Variants in ATP2B2 observed in about 807,000 individuals in gnomAD.
ATP2B2 encodes plasma membrane calcium-transporting ATPase 2.
In ATP2B2, 15 loss-of-function variants were observed where a neutral mutation model predicts 120.0. The ratio of observed to expected loss-of-function variants is 0.12; its 90% CI spans 0.08 to 0.19. The LOEUF (loss-of-function observed/expected upper bound fraction) is 0.19. Ranked by LOEUF, ATP2B2 falls within the 10% of genes least tolerant of loss-of-function variation. The pLI is 1.00. For synonymous variants in ATP2B2, 694 were observed against 700.3 expected (o/e 0.99, Z 0.14); for missense variants, 1,045 against 1,719.8 (o/e 0.61, Z 6.94).
In ATP2B2 at chr3:10,707,958, C is replaced by CTG. The variant is rs1268242722; in HGVS notation, c.-504_-503insCA. 5.3e-3 allele frequency: 802 copies of CTG among 150,308 alleles called. 9 individuals are homozygous for CTG. Among genetic ancestry groups the CTG allele is most frequent in the African/African-American group, 0.018 (743 of 41,060 alleles). 9.3% of individuals were successfully genotyped at this position (150,308 alleles called of 1,614,324 possible). A position where few individuals can be genotyped will look rare whatever the true frequency, so the allele number is the denominator to read the frequency against. ...CGAGATGCTGCCGCCGCCGCTGCCG[C>CTG]CGCCGCTGCCGCTGGTGCGCGCCCG... On this transcript the variant is annotated 5_prime_UTR_variant, in exon 1 of 22. Coordinates refer to the ATP2B2 transcript ENST00000646379.
intron 2 of ATP2B2, among the ~76,000 whole-genome samples, chr3:10,439,370 G>T (rs1387830670): frequency 6.6e-6 from 1 of 152,178 alleles, no homozygotes; most frequent in Non-Finnish European, 1.5e-5. Context: ...GCCAAAGTCA[G>T]GCTGGTCTCC....
intron 3 of ATP2B2, among the ~76,000 whole-genome samples, chr3:10,519,214 C>T (rs1043480800): frequency 2.0e-5 from 3 of 152,236 alleles, no homozygotes; most frequent in African/African-American, 7.2e-5. Context: ...CTGTGCTGAA[C>T]TTGACACACA....
intron 1 of ATP2B2, among the ~76,000 whole-genome samples, chr3:10,689,532 A>T (rs184397843): frequency 6.6e-6 from 1 of 152,028 alleles, no homozygotes; most frequent in African/African-American, 2.4e-5. Context: ...TACCAACATT[A>T]AAAAAAATAA....
chr3:10,402,355 G>C lies in ATP2B2; in HGVS notation c.398-7C>G. 1 of 1,612,746 alleles carries C rather than the reference G, an allele frequency of 6.2e-7. No individual in the cohort carries two copies. The highest frequency in any genetic ancestry group is 1.1e-5 in the South Asian group (1 of 91,086). ...CCCTGGGCCGTCGCACATCCTGAAA[G>C]ACCAGATAGAAGCAGGCAGAGTGAG... On this transcript the variant is annotated splice_region_variant and splice_polypyrimidine_tract_variant and intron_variant, in intron 3 of 22. Transcript: ENST00000360273. The surrounding 1 kb of genome is among the most constrained non-coding windows in gnomAD (Gnocchi z 4.9).
At chr3:10,448,401 T>C (rs187958879) in intron 2 of ATP2B2, among the ~76,000 whole-genome samples, 4 of 152,166 alleles carry the variant, frequency 2.6e-5, no homozygotes, top group Non-Finnish European at 4.4e-5. Flanking sequence ...CTCACACACA[T>C]GCCTGTAGGG....
chr3:10,696,118 T>C (rs1575631874), intron 1 of ATP2B2, among the ~76,000 whole-genome samples: 1 of 152,174 alleles, frequency 6.6e-6, no homozygotes. Context: ...CCTCACCCTA[T>C]GAAACACGGT....
At chr3:10,544,326 C>T (rs146156228) in intron 2 of ATP2B2, among the ~76,000 whole-genome samples, 6 of 152,360 alleles carry the variant, frequency 3.9e-5, no homozygotes, top group Non-Finnish European at 7.3e-5. Context: ...AACAACAGAA[C>T]ATCCTTATGT....
At chr3:10,682,162 AGGCATAGT>A (rs1176054445) in intron 1 of ATP2B2, among the ~76,000 whole-genome samples, 27 of 152,212 alleles carry the variant, frequency 1.8e-4, no homozygotes, top group African/African-American at 6.0e-4. Flanking sequence ...GAAACCTCGA[AGGCATAGT>A]GTTTCCATCC....
At chr3:10,560,429 T>C (rs1050721993) in intron 2 of ATP2B2, among the ~76,000 whole-genome samples, 27 of 151,974 alleles carry the variant, frequency 1.8e-4, no homozygotes, top group Non-Finnish European at 2.6e-4. Context: ...GAACATCCCC[T>C]CAGCTGGGCC....
intron 1 of ATP2B2, among the ~76,000 whole-genome samples, chr3:10,699,587 C>T (rs1292022874): frequency 6.6e-6 from 1 of 152,036 alleles, no homozygotes; most frequent in Admixed American, 6.5e-5. Flanking sequence ...TTGAATTTTC[C>T]ATAATCATTA....
intron 2 of ATP2B2, among the ~76,000 whole-genome samples, chr3:10,558,964 T>C (rs771158288): frequency 6.6e-6 from 1 of 152,214 alleles, no homozygotes; most frequent in Non-Finnish European, 1.5e-5. Flanking sequence ...GCTATTTATA[T>C]ACCTTGTGGC....
At chr3:10,614,877 A>G (rs1395809292) in intron 2 of ATP2B2, among the ~76,000 whole-genome samples, 2 of 152,266 alleles carry the variant, frequency 1.3e-5, no homozygotes, top group African/African-American at 4.8e-5. Context: ...GTCTCCCAGA[A>G]AAGCTGCTGA....
At position 10,635,304 on chromosome 3, in the gene ATP2B2, C is replaced by G. The variant is rs2069991532; in HGVS notation, c.-459-15343G>C. Among the ~76,000 whole-genome samples, 1 of 152,100 alleles carries G rather than the reference C, an allele frequency of 6.6e-6. No homozygotes were observed. Among genetic ancestry groups the G allele is most frequent in the African/African-American group, 2.4e-5 (1 of 41,384 alleles). ...ACATAGTCACGGGATTTGCCTGAAG[C>G]CCCGGGTTTGGAGTCTCTGGTTGAG... On this transcript the variant is annotated intron_variant, in intron 1 of 21. Coordinates refer to the ATP2B2 transcript ENST00000646379. This position sits in a 1 kb window ranked among gnomAD's most constrained non-coding sequence, Gnocchi z 4.3.
At chr3:10,683,811 G>C (rs1364501572) in intron 1 of ATP2B2, among the ~76,000 whole-genome samples, 1 of 99,474 alleles carries the variant, frequency 1.0e-5, no homozygotes, top group Non-Finnish European at 2.1e-5. Flanking sequence ...TATATGTAAA[G>C]AGACAGGGTC....
At chr3:10,623,163 A>C (rs1341384407) in intron 1 of ATP2B2, among the ~76,000 whole-genome samples, 1 of 151,188 alleles carries the variant, frequency 6.6e-6, no homozygotes, top group South Asian at 2.1e-4. Flanking sequence ...CCTGGCCTCA[A>C]GTGATCCTCC....
intron 1 of ATP2B2, among the ~76,000 whole-genome samples, chr3:10,659,950 A>G (rs1426131088): frequency 1.3e-5 from 2 of 152,184 alleles, no homozygotes; most frequent in Admixed American, 1.3e-4. Context: ...AACTCACTCA[A>G]AACTGCTCAA....
intron 1 of ATP2B2, among the ~76,000 whole-genome samples, chr3:10,632,706 A>G (rs576130579): frequency 2.6e-5 from 4 of 152,332 alleles, no homozygotes; most frequent in South Asian, 4.1e-4. Context: ...GCATCTAAAG[A>G]GGATGAGCCA....
intron 1 of ATP2B2, among the ~76,000 whole-genome samples, chr3:10,499,462 A>G (rs952971909): frequency 6.6e-6 from 1 of 152,220 alleles, no homozygotes; most frequent in Admixed American, 6.5e-5. Flanking sequence ...CACGCATTAC[A>G]TGGGAAAACA....
chr3:10,571,984 G>A (rs1028809326), intron 2 of ATP2B2, among the ~76,000 whole-genome samples: 16 of 152,254 alleles, frequency 1.1e-4, no homozygotes, highest in African/African-American at 3.6e-4. Flanking sequence ...CCACCCCTTG[G>A]CTTTCTGCTT....
Sources: allele counts gnomAD v4.1 joint callset (sites outside exome capture counted in the v4.1 genomes callset), GRCh38; gene constraint gnomAD v4.1.1; non-coding constraint Gnocchi (gnomAD v3.1); transcripts MANE v1.5; gene names NCBI Gene and HGNC (gene_info 2026-07-23, HGNC 2026-07-21).